Variants in PHF14 observed in about 807,000 individuals in gnomAD.
PHF14 encodes PHD finger protein 14.
PHF14 carries 55 observed loss-of-function variants against 117.9 expected under a neutral mutation model. That is an observed-to-expected ratio of 0.47 (90% CI 0.38 to 0.58). PHF14 has a LOEUF of 0.58. PHF14 is among the 20% of genes least tolerant of loss of function. The pLI, the probability that PHF14 is intolerant of heterozygous loss-of-function variation, is 0.00. For synonymous variants in PHF14, 409 were observed against 368.6 expected, an observed-to-expected ratio of 1.11 and a Z score of -1.26; for missense variants, 978 against 1,122.2, an observed-to-expected ratio of 0.87 and a Z score of 1.84.
intron 3 of PHF14, among the ~76,000 whole-genome samples, chr7:10,989,297 C>T (rs74985104): frequency 0.015 from 2,275 of 151,640 alleles, 27 homozygotes; most frequent in Non-Finnish European, 0.024. Context: ...GAAATGATGG[C>T]TCCAAATGTT....
At chr7:11,114,459 TA>T (rs1472209334) in intron 17 of PHF14, among the ~76,000 whole-genome samples, 1 of 152,084 alleles carries the variant, frequency 6.6e-6, no homozygotes, top group Non-Finnish European at 1.5e-5. Context: ...AGAAATTCCG[TA>T]AGTCTAATAA....
intron 4 of PHF14, chr7:11,006,725 G>T: frequency 3.0e-6 from 2 of 668,084 alleles, no homozygotes; most frequent in East Asian, 6.1e-5. Context: ...TCAGTGTCTT[G>T]GGCTGCTGGA....
chr7:11,076,714 C>A (rs1428206479), intron 16 of PHF14, among the ~76,000 whole-genome samples: 1 of 151,626 alleles, frequency 6.6e-6, no homozygotes, highest in East Asian at 1.9e-4. Flanking sequence ...ATTACAGGTG[C>A]ACACCACCAC....
At chr7:11,092,658 T>C (rs1029008188) in intron 16 of PHF14, among the ~76,000 whole-genome samples, 3 of 152,164 alleles carry the variant, frequency 2.0e-5, no homozygotes, top group Non-Finnish European at 4.4e-5. Flanking sequence ...TGCCCACATA[T>C]CACTCATCTA....
intron 17 of PHF14, among the ~76,000 whole-genome samples, chr7:11,165,502 T>C (rs1373083485): frequency 1.3e-5 from 2 of 152,202 alleles, no homozygotes; most frequent in African/African-American, 4.8e-5. Context: ...CCTCTTTGTG[T>C]AATCCTTTTA....
chr7:11,022,289 A>G (rs1440320479), intron 5 of PHF14, among the ~76,000 whole-genome samples: 1 of 152,170 alleles, frequency 6.6e-6, no homozygotes, highest in Non-Finnish European at 1.5e-5. Context: ...AAAAATGTGA[A>G]TTGCTTATTC....
At chr7:11,020,540 G>C (rs1028510661) in intron 5 of PHF14, among the ~76,000 whole-genome samples, 2 of 151,974 alleles carry the variant, frequency 1.3e-5, no homozygotes, top group Non-Finnish European at 2.9e-5. Context: ...CACGACACCT[G>C]GCTAAATTTT....
intron 16 of PHF14, among the ~76,000 whole-genome samples, chr7:11,100,438 G>A (rs1017663997): frequency 6.6e-6 from 1 of 151,790 alleles, no homozygotes; most frequent in African/African-American, 2.4e-5. Flanking sequence ...TTAGAAGAGA[G>A]GTAACTGGGG....
chr7:11,070,871 C>T lies in PHF14; in HGVS notation c.2654+8786C>T, dbSNP rs538087487. On this transcript the variant is annotated intron_variant, in intron 16 of 17. Transcript: ENST00000634607. ...GCCATATCTGTATATTTTTGCAACT[C>T]TATACAATTAAAATAGTTTATAATT... Among the ~76,000 whole-genome samples the T allele has an allele frequency of 2.6e-5, 4 of 152,302 alleles. No individual in the cohort carries two copies. In the East Asian group the frequency reaches 7.7e-4, roughly 29 times the overall value.
chr7:11,149,255 G>C (rs1279177556), intron 17 of PHF14, among the ~76,000 whole-genome samples: 1 of 150,186 alleles, frequency 6.7e-6, no homozygotes, highest in Non-Finnish European at 1.5e-5. Context: ...TAACATGCTT[G>C]ATTTGCCATC....
intron 17 of PHF14, among the ~76,000 whole-genome samples, chr7:11,114,991 G>C (rs1402602154): frequency 2.0e-5 from 3 of 152,012 alleles, no homozygotes; most frequent in Non-Finnish European, 4.4e-5. Flanking sequence ...GAAAAGAAAT[G>C]TGTTTTCTTC....
chr7:11,015,101 G>A (rs548649549), intron 5 of PHF14: 3 of 151,908 alleles, frequency 2.0e-5, no homozygotes, highest in African/African-American at 7.2e-5. Flanking sequence ...TAACAGCAAA[G>A]CAACCTATAT....
rs771445083 is a variant in PHF14, at chr7:11,035,687, G to A, written c.1503G>A (p.Arg501=). The A allele has an allele frequency of 6.2e-7, 1 of 1,610,408 alleles. No individual in the cohort carries two copies. The highest frequency in any genetic ancestry group is 8.5e-7 in the Non-Finnish European group (1 of 1,177,026). ...FFAYCKQHAD[R]LDRKWKRKNY... ...CTTATTGTAAGCAACATGCAGATAG[G>A]TTAGACAGAAAGTGGAAGAGAAAAA... Residue 501 remains arginine, a synonymous_variant, in exon 8 of 18, where the codon AGG becomes AGA. Transcript: ENST00000634607.
At chr7:11,055,019 C>G (rs865881984) in intron 14 of PHF14, among the ~76,000 whole-genome samples, 20 of 152,094 alleles carry the variant, frequency 1.3e-4, no homozygotes, top group Middle Eastern at 3.2e-3. Context: ...TGGCAGACAG[C>G]AACTGCCCTG....
chr7:11,134,095 G>A (rs1788155434), intron 17 of PHF14, among the ~76,000 whole-genome samples: 1 of 151,970 alleles, frequency 6.6e-6, no homozygotes, highest in African/African-American at 2.4e-5. Context: ...GTCAGAATTT[G>A]AAATAGGCCT....
chr7:11,080,126 C>T (rs1025602609), intron 16 of PHF14, among the ~76,000 whole-genome samples: 10 of 152,094 alleles, frequency 6.6e-5, no homozygotes, highest in African/African-American at 2.4e-4. Flanking sequence ...CCTGTGAGAA[C>T]ATACCAAGTG....
chr7:11,061,045 G>T (rs1785206999), intron 14 of PHF14, among the ~76,000 whole-genome samples: 1 of 152,160 alleles, frequency 6.6e-6, no homozygotes, highest in African/African-American at 2.4e-5. Context: ...ATTTTTGGAA[G>T]CAGTGCCTGC....
intron 16 of PHF14, among the ~76,000 whole-genome samples, chr7:11,091,204 G>A (rs948257952): frequency 2.6e-5 from 4 of 152,042 alleles, no homozygotes; most frequent in Admixed American, 6.5e-5. Context: ...GAAAGATCTC[G>A]GAAACATAAC....
chr7:10,986,436 T>TG (rs1157034466), intron 3 of PHF14, among the ~76,000 whole-genome samples: 1 of 152,176 alleles, frequency 6.6e-6, no homozygotes, highest in African/African-American at 2.4e-5. Flanking sequence ...GGTACTCCCA[T>TG]GAGAGAAAGA....
Sources: allele counts gnomAD v4.1 joint callset (sites outside exome capture counted in the v4.1 genomes callset), GRCh38; gene constraint gnomAD v4.1.1; transcripts MANE v1.5; gene names NCBI Gene and HGNC (gene_info 2026-07-23, HGNC 2026-07-21).